ZNF385D: variants seen among roughly 807,000 people sequenced by gnomAD.
ZNF385D encodes the protein zinc finger protein 659.
ZNF385D carries 15 observed loss-of-function variants against 35.8 expected under a neutral mutation model. That is an observed-to-expected ratio of 0.42 (90% CI 0.28 to 0.64). The LOEUF (loss-of-function observed/expected upper bound fraction) is 0.64. Among genes scored for constraint, ZNF385D ranks in the 30% least tolerant of loss-of-function variants. ZNF385D has a pLI of 0.23. For missense variants in ZNF385D, 474 were observed against 494.6 expected (o/e 0.96, Z 0.39); for synonymous variants, 212 against 186.8 (o/e 1.13, Z -1.10).
Position 22,166,321 on chromosome 3 carries a change from G to C in ZNF385D, c.325+2496C>G, listed in dbSNP as rs375263590. ...TTTGTTGAATAGTATATTAATCAAA[G>C]AATTTGAGGAATATATTAAAATTTT... On this transcript the variant is annotated intron_variant, in intron 3 of 5. Coordinates refer to the ZNF385D transcript ENST00000494108. Among the ~76,000 whole-genome samples, 3 of 152,086 alleles carry C rather than the reference G, an allele frequency of 2.0e-5. 1 individual carries two copies. Among genetic ancestry groups the C allele is most frequent in the East Asian group, 3.9e-4 (2 of 5,182 alleles).
At position 21,940,253 on chromosome 3, in the gene ZNF385D, CA is replaced by C. The variant is rs538445255; in HGVS notation, c.325+228563del. On this transcript the variant is annotated intron_variant, in intron 3 of 5. Transcript: ENST00000494108. ...CGTATCATCAGGTAATGTGATGTAG[CA>C]AAAAAAGTGTTTATGGATTTTAAGG... 6.6e-5 allele frequency among the ~76,000 whole-genome samples: 10 copies of C among 151,938 alleles called. No individual in the cohort carries two copies. In the East Asian group the frequency reaches 1.4e-3, roughly 21 times the overall value.
In ZNF385D at chr3:21,510,911, G is replaced by C. The variant is rs1707153922; in HGVS notation, c.389C>G (p.Thr130Ser). The change falls in exon 4 of 8, where the codon ACC becomes AGC. Residue 130 changes from threonine (T) to serine (S), a missense_variant. Thr to Ser is a moderately conservative substitution (Grantham distance 58). Transcript: ENST00000281523. ...SVTAKDSAKT[T>S]FTSITTNTIN... ...GGTATTGGTAGTGATGGAGGTGAAG[G>C]TAGTCTTTGCGCTGTCCTTGGCAGT... The C allele has an allele frequency of 6.2e-7, 1 of 1,613,978 alleles. No individual in the cohort carries two copies. The highest frequency in any genetic ancestry group is 8.5e-7 in the Non-Finnish European group (1 of 1,179,998).
chr3:22,017,497 A>G (rs1214121594), intron 3 of ZNF385D, among the ~76,000 whole-genome samples: 1 of 151,980 alleles, frequency 6.6e-6, no homozygotes, highest in African/African-American at 2.4e-5. Flanking sequence ...TCTCTGTATT[A>G]TAACTAGAAA....
intron 2 of ZNF385D, among the ~76,000 whole-genome samples, chr3:22,204,897 C>T (rs935772759): frequency 6.8e-6 from 1 of 147,392 alleles, no homozygotes. Context: ...CTAAGAGACA[C>T]TGGCCATAAA....
intron 2 of ZNF385D, among the ~76,000 whole-genome samples, chr3:21,602,512 ATT>A (rs199882061): frequency 1.1e-5 from 1 of 90,208 alleles, no homozygotes; most frequent in East Asian, 3.7e-4. Flanking sequence ...GTTTCCCTGC[ATT>A]TTCTTTTTTT....
chr3:21,592,079 A>G (rs1227425268), intron 2 of ZNF385D, among the ~76,000 whole-genome samples: 1 of 152,178 alleles, frequency 6.6e-6, no homozygotes, highest in Non-Finnish European at 1.5e-5. Context: ...CATGTGACAT[A>G]TAGGCATGCT....
chr3:21,512,630 T>C (rs1239557785), intron 3 of ZNF385D, among the ~76,000 whole-genome samples: 1 of 152,184 alleles, frequency 6.6e-6, no homozygotes, highest in Admixed American at 6.5e-5. Context: ...ATGCATCAGT[T>C]ACAAGTTTTC....
At chr3:22,206,204 A>G (rs1167853204) in intron 2 of ZNF385D, among the ~76,000 whole-genome samples, 1 of 152,080 alleles carries the variant, frequency 6.6e-6, no homozygotes, top group African/African-American at 2.4e-5. Flanking sequence ...TACAATGATA[A>G]AGGAATAAAT....
At chr3:21,910,028 C>T (rs2125911793) in intron 3 of ZNF385D, among the ~76,000 whole-genome samples, 1 of 151,938 alleles carries the variant, frequency 6.6e-6, no homozygotes, top group Non-Finnish European at 1.5e-5. Context: ...ATTTAGCTTA[C>T]TGCTACATTT....
rs550633128 is a variant in ZNF385D at position 22,193,919 on chromosome 3, T to C, written c.107-24884A>G. Among the ~76,000 whole-genome samples the C allele has an allele frequency of 1.2e-4, 18 of 152,098 alleles. No homozygotes were observed. In the East Asian group the frequency reaches 2.3e-3, roughly 20 times the overall value. ...TCAAGTCATGGGAATGTCAGTTTTA[T>C]TGAACTATTATCAGCATTAGGTAGT... On this transcript the variant is annotated intron_variant, in intron 2 of 5. Coordinates refer to the ZNF385D transcript ENST00000494108.
At chr3:21,898,331 C>A (rs769156851) in intron 3 of ZNF385D, among the ~76,000 whole-genome samples, 1 of 152,108 alleles carries the variant, frequency 6.6e-6, no homozygotes, top group Non-Finnish European at 1.5e-5. Flanking sequence ...TAACACAGCT[C>A]ATTGTAATGG....
intron 2 of ZNF385D, among the ~76,000 whole-genome samples, chr3:22,300,150 T>G (rs902626792): frequency 6.6e-6 from 1 of 151,848 alleles, no homozygotes. Flanking sequence ...CAGAAATTCA[T>G]GCATTTAAGG....
intron 3 of ZNF385D, among the ~76,000 whole-genome samples, chr3:22,107,095 GTTCACC>G (rs1397591337): frequency 6.8e-6 from 1 of 146,074 alleles, no homozygotes; most frequent in Non-Finnish European, 1.5e-5. Context: ...AGTGATCTTG[GTTCACC>G]ACAACCTCCA....
At chr3:22,168,294 T>C (rs1244061054) in intron 3 of ZNF385D, among the ~76,000 whole-genome samples, 1 of 152,154 alleles carries the variant, frequency 6.6e-6, no homozygotes, top group African/African-American at 2.4e-5. Context: ...ATTCAACACA[T>C]ACTTTTAAAA....
intron 2 of ZNF385D, among the ~76,000 whole-genome samples, chr3:22,279,611 TATAC>T (rs1463525781): frequency 1.5e-5 from 2 of 136,076 alleles, no homozygotes; most frequent in Non-Finnish European, 1.5e-5. Flanking sequence ...TGTATATACA[TATAC>T]ATATATGTAT....
At chr3:21,699,489 A>G in intron 1 of ZNF385D, among the ~76,000 whole-genome samples, 1 of 152,250 alleles carries the variant, frequency 6.6e-6, no homozygotes, top group East Asian at 1.9e-4. Context: ...AAGTATAATA[A>G]TAAAAAAAAA....
At position 21,840,635 on chromosome 3, in the gene ZNF385D, C is replaced by G. The variant is rs115330684; in HGVS notation, c.326-175607G>C. On this transcript the variant is annotated intron_variant, in intron 3 of 5. Transcript: ENST00000494108. ...ATTTGGCGACCCATAAGCTGGAAAC[C>G]GTTGCTTCGGTATTAAAACTCTTAG... 7.9e-3 allele frequency among the ~76,000 whole-genome samples: 1,201 copies of G among 152,074 alleles called. 15 individuals are homozygous for G. Among genetic ancestry groups the G allele is most frequent in the African/African-American group, 0.028 (1,154 of 41,500 alleles).
intron 3 of ZNF385D, among the ~76,000 whole-genome samples, chr3:21,832,360 G>T (rs1356146803): frequency 2.6e-5 from 4 of 152,152 alleles, no homozygotes; most frequent in African/African-American, 9.7e-5. Flanking sequence ...TGTGTTAAAG[G>T]TTTGTAATAA....
At chr3:21,915,436 CT>C (rs1700148538) in intron 3 of ZNF385D, among the ~76,000 whole-genome samples, 1 of 151,984 alleles carries the variant, frequency 6.6e-6, no homozygotes, top group African/African-American at 2.4e-5. Context: ...ACTATCATGC[CT>C]CTTTTTAATG....
Sources: gnomAD v4.1 joint callset for allele counts (sites outside exome capture counted in the v4.1 genomes callset) on GRCh38, gnomAD v4.1.1 for gene constraint, MANE v1.5 for transcripts, NCBI Gene and HGNC (gene_info 2026-07-23, HGNC 2026-07-21) for gene names.